IGDCC3: variants seen among roughly 807,000 people sequenced by gnomAD.
IGDCC3 encodes putative neuronal cell adhesion molecule.
Under a neutral mutation model 72.0 loss-of-function variants are expected in IGDCC3, and 47 were observed. The observed-to-expected ratio is 0.65, with a 90% confidence interval of 0.52 to 0.83. IGDCC3 has a LOEUF of 0.83. Among genes scored for constraint, IGDCC3 ranks in the 40% least tolerant of loss-of-function variants. IGDCC3 has a pLI of 0.00. For missense variants in IGDCC3, 1,038 were observed against 1,091.3 expected, an observed-to-expected ratio of 0.95 and a Z score of 0.69; for synonymous variants, 477 against 472.8, an observed-to-expected ratio of 1.01 and a Z score of -0.11.
chr15:65,350,054 G>GATC lies in IGDCC3; in HGVS notation c.410-14101_410-14099dup, dbSNP rs1228178960. ...CACATAGGAGGTTACTTTTGGTAAAGATCAGAAGCTAGAAATATTGGCCAC... is the reference window on the plus strand; with the variant it reads ...CACATAGGAGGTTACTTTTGGTAAAGATCATCAGAAGCTAGAAATATTGGCCAC... On this transcript the variant is annotated intron_variant, in intron 2 of 13. Transcript: ENST00000327987. Among the ~76,000 whole-genome samples, 8 of 152,314 alleles carry GATC rather than the reference G, an allele frequency of 5.3e-5. No homozygotes were observed. The East Asian group carries it at 1.5e-3, about 29-fold the overall frequency.
chr15:65,344,073 C>T (rs2091105124), intron 2 of IGDCC3, among the ~76,000 whole-genome samples: 1 of 152,180 alleles, frequency 6.6e-6, no homozygotes, highest in Non-Finnish European at 1.5e-5. Flanking sequence ...ACTTACTTCC[C>T]TGGGCTTCCA....
chr15:65,336,104 AC>A, intron 2 of IGDCC3, 148 bp from the exon 3 acceptor site: 1 of 726,006 alleles, frequency 1.4e-6, no homozygotes, highest in Non-Finnish European at 2.3e-6. Context: ...AGCTTGGGGG[AC>A]CCATCAGCAC....
Position 65,331,991 on chromosome 15 carries a change from A to C in IGDCC3, c.1098T>G (p.Asn366Lys). Residue 366 changes from asparagine (N) to lysine (K), a missense_variant, in exon 7 of 14, where the codon AAT becomes AAG. Physicochemically the swap from Asn to Lys is moderately conservative, Grantham distance 94 (BLOSUM62 0). Coordinates refer to ENST00000327987, the MANE Select transcript of IGDCC3 (RefSeq NM_004884.4). ...GGCCTCCTGGCCCCAGCACCTGTCC[A>C]TTTTTCAGCCACGTGACATGAGGCG... is the stretch of plus-strand genomic sequence containing the variant. ...EPPPHVTWLK[N>K]GQVLGPGGHV... 1.2e-6 allele frequency: 2 copies of C among 1,614,004 alleles called. No homozygotes were observed. The highest frequency in any genetic ancestry group is 1.7e-6 in the Non-Finnish European group (2 of 1,180,008).
chr15:65,354,672 C>A (rs2091200675), intron 2 of IGDCC3, among the ~76,000 whole-genome samples: 1 of 152,188 alleles, frequency 6.6e-6, no homozygotes, highest in Non-Finnish European at 1.5e-5. Flanking sequence ...ATAAACTGTT[C>A]CCTGAATGCT....
chr15:65,367,614 A>G (rs2091295864), intron 2 of IGDCC3, among the ~76,000 whole-genome samples: 1 of 152,048 alleles, frequency 6.6e-6, no homozygotes, highest in Non-Finnish European at 1.5e-5. Context: ...CCCCAAATGT[A>G]AGGCCTCCCG....
chr15:65,361,339 G>C (rs975832273), intron 2 of IGDCC3, among the ~76,000 whole-genome samples: 8 of 151,938 alleles, frequency 5.3e-5, no homozygotes, highest in African/African-American at 1.7e-4. Flanking sequence ...GTACTTGGGA[G>C]GCTGAGGTGG....
intron 2 of IGDCC3, 129 bp downstream of exon 2, chr15:65,374,967 AC>A: frequency 1.3e-6 from 1 of 742,568 alleles, no homozygotes. Flanking sequence ...CTCAAAACCG[AC>A]CCATGCTGAG....
chr15:65,364,916 G>A (rs1250152992), intron 2 of IGDCC3, among the ~76,000 whole-genome samples: 2 of 152,088 alleles, frequency 1.3e-5, no homozygotes, highest in Non-Finnish European at 2.9e-5. Context: ...GAACATGCAC[G>A]CCAGTGTTTC....
rs748794965 is a variant in IGDCC3, at chr15:65,333,300, G to A, written c.939C>T (p.Gly313=). 6 of 1,612,844 alleles carry A rather than the reference G, an allele frequency of 3.7e-6. No individual in the cohort carries two copies. In the South Asian group the frequency reaches 6.6e-5, roughly 18 times the overall value. Residue 313 remains glycine (G), a synonymous_variant, in exon 6 of 14, where the codon GGC becomes GGT. Coordinates refer to ENST00000327987, the MANE Select transcript of IGDCC3 (RefSeq NM_004884.4). Reference sequence around the variant, plus strand: ...CCTGTGCCGTTCTCCTCACCCGGGTGCCAGGTCTGTTGGCTGCACAGACGT... The same window carrying A: ...CCTGTGCCGTTCTCCTCACCCGGGTACCAGGTCTGTTGGCTGCACAGACGT... ...GVYVCAANRP[G]TRVRRTAQGR... is the part of the protein sequence containing the mutation.
rs1327639403 is a variant in IGDCC3, at chr15:65,335,304, C to A, written c.672G>T (p.Arg224Ser). 13 of 1,611,138 alleles carry A rather than the reference C, an allele frequency of 8.1e-6. No individual in the cohort carries two copies. Among genetic ancestry groups the A allele is most frequent in the Non-Finnish European group, 1.1e-5 (13 of 1,178,584 alleles). Residue 224 changes from arginine to serine, a missense_variant, in exon 4 of 14, where the codon AGG (arginine) becomes AGT (serine). Coordinates refer to ENST00000327987, the MANE Select transcript of IGDCC3 (RefSeq NM_004884.4). ...AAGGACCCTCACCTGACACAGTGAG[C>A]CTGGCCCCGTGGCTGATCCGGATAC... Reference protein sequence around the residue: ...IASIRISHGARLTVSGSGSGA... With the variant: ...IASIRISHGASLTVSGSGSGA...
chr15:65,369,179 G>A (rs2091307616), intron 2 of IGDCC3, among the ~76,000 whole-genome samples: 1 of 152,164 alleles, frequency 6.6e-6, no homozygotes, highest in South Asian at 2.1e-4. Flanking sequence ...GGAGGGATCA[G>A]GTATGGGAAG....
intron 2 of IGDCC3, 100 bp downstream of exon 2, chr15:65,374,997 G>A: frequency 1.9e-6 from 2 of 1,026,448 alleles, no homozygotes; most frequent in Non-Finnish European, 2.9e-6. Flanking sequence ...CCTCCAGAAG[G>A]CTGCATAAGA....
chr15:65,357,307 A>G (rs1231266042), intron 2 of IGDCC3, among the ~76,000 whole-genome samples: 1 of 152,208 alleles, frequency 6.6e-6, no homozygotes, highest in Non-Finnish European at 1.5e-5. Context: ...ATGATTAATC[A>G]ATTCTTTATC....
chr15:65,358,431 G>A (rs982076330), intron 2 of IGDCC3, among the ~76,000 whole-genome samples: 1 of 152,068 alleles, frequency 6.6e-6, no homozygotes, highest in Non-Finnish European at 1.5e-5. Flanking sequence ...TGCTATACAG[G>A]CCACTAGCTT....
Position 65,339,752 on chromosome 15 carries a change from T to G in IGDCC3, c.410-3796A>C, listed in dbSNP as rs1010480880. The stretch of plus-strand genomic sequence containing the variant: ...TAGCATTGAGTATTTATGTCTGGTG[T>G]TGGTGGTATTGTGTCTGTGGCTGGT... On this transcript the variant is annotated intron_variant, in intron 2 of 13. Coordinates refer to ENST00000327987, the MANE Select transcript of IGDCC3 (RefSeq NM_004884.4). This position sits in a 1 kb window ranked among gnomAD's most constrained non-coding sequence, Gnocchi z 4.1. 1.3e-5 allele frequency among the ~76,000 whole-genome samples: 2 copies of G among 152,162 alleles called. No homozygotes were observed. Among genetic ancestry groups the G allele is most frequent in the Non-Finnish European group, 2.9e-5 (2 of 68,036 alleles).
chr15:65,342,233 A>G (rs2091087929), intron 2 of IGDCC3, among the ~76,000 whole-genome samples: 1 of 152,000 alleles, frequency 6.6e-6, no homozygotes, highest in South Asian at 2.1e-4. Context: ...TTGAAAATAC[A>G]AAATTAGCCG....
intron 1 of IGDCC3, among the ~76,000 whole-genome samples, chr15:65,376,516 G>C (rs1427921351): frequency 6.6e-6 from 1 of 152,242 alleles, no homozygotes. Context: ...CAGCAGACTA[G>C]GGCCCTCCCT....
chr15:65,363,387 C>T (rs1211746536), intron 2 of IGDCC3, among the ~76,000 whole-genome samples: 3 of 152,182 alleles, frequency 2.0e-5, no homozygotes, highest in African/African-American at 4.8e-5. Context: ...GTGTGTAGCA[C>T]TGAGCATCCA....
rs1223027549 is a variant in IGDCC3 at position 65,377,944 on chromosome 15, G to C, written c.-156C>G. ...TGGGGCCGCATGCCTGCTCAGCAGC[G>C]CGGGGGGCGCAGGGGGAGCGCCGCT... On this transcript the variant is annotated 5_prime_UTR_variant, in exon 1 of 14. Coordinates refer to ENST00000327987, the MANE Select transcript of IGDCC3 (RefSeq NM_004884.4). The surrounding 1 kb of genome is among the most constrained non-coding windows in gnomAD (Gnocchi z 4.9). 28 of 655,900 alleles carry C rather than the reference G, an allele frequency of 4.3e-5. No individual in the cohort carries two copies. Among genetic ancestry groups the C allele is most frequent in the Non-Finnish European group, 5.0e-5 (26 of 524,134 alleles). The allele number at this position is 655,900 out of a possible 1,614,324, so 40.6% of individuals were successfully genotyped here. A position where few individuals can be genotyped will look rare whatever the true frequency, so the allele number is the denominator to read the frequency against.
Sources: allele counts gnomAD v4.1 joint callset (sites outside exome capture counted in the v4.1 genomes callset), GRCh38; gene constraint gnomAD v4.1.1; non-coding constraint Gnocchi (gnomAD v3.1); transcripts MANE v1.5; gene names NCBI Gene and HGNC (gene_info 2026-07-23, HGNC 2026-07-21).